ADGRD1: variants seen among roughly 807,000 people sequenced by gnomAD.
ADGRD1 encodes the protein adhesion G protein-coupled receptor D1, also known as G-protein coupled receptor 133.
A neutral mutation model predicts 113.4 loss-of-function variants in ADGRD1; 77 were observed. The observed-to-expected ratio is 0.68, with a 90% confidence interval of 0.57 to 0.82. ADGRD1 has a LOEUF of 0.82. Among genes scored for constraint, ADGRD1 ranks in the 40% least tolerant of loss-of-function variants. The probability of loss-of-function intolerance (pLI) is 0.00; values close to 1 mark genes in which losing one functional copy is unlikely to be tolerated. For synonymous variants in ADGRD1, 474 were observed against 475.0 expected, an observed-to-expected ratio of 1.00 and a Z score of 0.03; for missense variants, 1,036 against 1,139.1, an observed-to-expected ratio of 0.91 and a Z score of 1.30.
Position 131,003,356 on chromosome 12 carries a change from G to GAAACGCAGCCTC in ADGRD1, c.1144+54_1144+55insAAACGCAGCCTC. On this transcript the variant is annotated intron_variant, in intron 10 of 24. Coordinates refer to ENST00000261654, the MANE Select transcript of ADGRD1 (RefSeq NM_198827.5). The surrounding 1 kb of genome is among the most constrained non-coding windows in gnomAD (Gnocchi z 4.8). ...ATGGCAGGGGCGGGGGCTGGAGGCTGCGTTTCACTGCCTGTCTTTTTACAC... is the reference window on the plus strand; with the variant it reads ...ATGGCAGGGGCGGGGGCTGGAGGCTGAAACGCAGCCTCCGTTTCACTGCCTGTCTTTTTACAC... 2.6e-6 allele frequency: 3 copies of GAAACGCAGCCTC among 1,168,244 alleles called. No homozygotes were observed. The highest frequency in any genetic ancestry group is 3.8e-6 in the Non-Finnish European group (3 of 780,714). The allele number at this position is 1,168,244 out of a possible 1,614,324, so 72.4% of individuals were successfully genotyped here.
intron 15 of ADGRD1, among the ~76,000 whole-genome samples, chr12:131,094,095 G>C (rs1474988591): frequency 6.7e-6 from 1 of 149,924 alleles, no homozygotes; most frequent in African/African-American, 2.5e-5. Flanking sequence ...CCCAGTCTCA[G>C]CACCCAGCCC....
Position 130,982,059 on chromosome 12 carries a change from C to T in ADGRD1, c.486C>T (p.Pro162=). The stretch of plus-strand genomic sequence containing the variant: ...TGACATGGGAGGCCTCCTTCAGCCC[C>T]CCAGGTGAGTGACAGCATCGGTCCC... ...NSMTWEASFS[P]PGPYWTHVLF... is the part of the protein sequence containing the mutation. Residue 162 remains proline (P), a synonymous_variant, in exon 5 of 25, where the codon CCC becomes CCT. Transcript: ENST00000261654. 1 of 1,613,040 alleles carries T rather than the reference C, an allele frequency of 6.2e-7. No individual in the cohort carries two copies. Among genetic ancestry groups the T allele is most frequent in the Non-Finnish European group, 8.5e-7 (1 of 1,179,486 alleles).
chr12:130,957,488 GCA>G (rs992012653), intron 2 of ADGRD1: 1 of 151,666 alleles, frequency 6.6e-6, no homozygotes, highest in Non-Finnish European at 1.5e-5. Context: ...GCACACACAT[GCA>G]CACACACCCT....
intron 13 of ADGRD1, chr12:131,070,874 A>AC (rs773612259): frequency 1.9e-6 from 1 of 518,962 alleles, no homozygotes; most frequent in East Asian, 5.5e-5. Context: ...TCTGCACGGG[A>AC]CGTCCTGGAG....
At chr12:131,024,566 C>G (rs991717857) in intron 13 of ADGRD1, 3 of 152,206 alleles carry the variant, frequency 2.0e-5, no homozygotes, top group Admixed American at 6.5e-5. Flanking sequence ...CAGATCCTTC[C>G]CATTGTGTTA....
chr12:131,033,952 G>T (rs1041379563), intron 13 of ADGRD1, among the ~76,000 whole-genome samples: 1 of 152,068 alleles, frequency 6.6e-6, no homozygotes, highest in African/African-American at 2.4e-5. Flanking sequence ...GGGGATGCCG[G>T]CTCCACCTGC....
At chr12:131,012,460 AG>A (rs1407387854) in intron 12 of ADGRD1, among the ~76,000 whole-genome samples, 1 of 152,180 alleles carries the variant, frequency 6.6e-6, no homozygotes, top group Non-Finnish European at 1.5e-5. Flanking sequence ...GATGATCTGC[AG>A]GAAGTCGCTT....
chr12:131,070,473 G>A (rs1056140828), intron 13 of ADGRD1: 5 of 168,342 alleles, frequency 3.0e-5, no homozygotes, highest in Non-Finnish European at 6.5e-5. Flanking sequence ...AAAACGAGGC[G>A]CCGGCTTTGC....
chr12:131,090,768 C>T (rs11061321), intron 15 of ADGRD1, among the ~76,000 whole-genome samples: 28,607 of 152,212 alleles, frequency 0.19, 4,027 homozygotes, highest in East Asian at 0.66. Flanking sequence ...CCAGTGGTTC[C>T]GGAGTGCATG....
intron 5 of ADGRD1, among the ~76,000 whole-genome samples, chr12:130,983,399 G>A (rs1289442124): frequency 1.3e-5 from 2 of 152,220 alleles, no homozygotes; most frequent in Admixed American, 6.5e-5. Context: ...TCCCTCCCCT[G>A]ACACAGAACC....
chr12:131,015,395 CA>C (rs1878436727), intron 13 of ADGRD1, among the ~76,000 whole-genome samples: 1 of 144,330 alleles, frequency 6.9e-6, no homozygotes, highest in African/African-American at 2.6e-5. Flanking sequence ...TTGAGATGGA[CA>C]TGGGAATGGA....
chr12:131,118,369 C>T lies in ADGRD1; in HGVS notation c.2042-16C>T. The T allele has an allele frequency of 6.3e-7, 1 of 1,596,632 alleles. No homozygotes were observed. Among genetic ancestry groups the T allele is most frequent in the South Asian group, 1.1e-5 (1 of 87,986 alleles). ...AACTGGAGCAAGTGAACATGATATT[C>T]TCCAATCTTCTGCAGGTTTTCCTCT... On this transcript the variant is annotated splice_polypyrimidine_tract_variant and intron_variant, in intron 18 of 24. Transcript: ENST00000261654.
rs200207383 is a variant in ADGRD1, at chr12:131,104,968, C to T, written c.1775+34C>T. ...CCTTTTCTAATCCACCCAACAGTCT[C>T]TCGGCCCCTGCCTGCACCCAGATCT... On this transcript the variant is annotated intron_variant, in intron 16 of 24. Transcript: ENST00000261654. The T allele has an allele frequency of 3.6e-6, 5 of 1,405,198 alleles. No homozygotes were observed. In the East Asian group the frequency reaches 1.0e-4, roughly 29 times the overall value. The allele number at this position is 1,405,198 out of a possible 1,614,324, so 87.0% of individuals were successfully genotyped here.
intron 12 of ADGRD1, 115 bp downstream of exon 12, chr12:131,006,162 C>T: frequency 3.3e-6 from 3 of 920,930 alleles, no homozygotes; most frequent in Non-Finnish European, 3.5e-6. Flanking sequence ...GACACGAGTA[C>T]CGGGCGCTTC....
chr12:131,136,686 A>G (rs555877469), intron 22 of ADGRD1, among the ~76,000 whole-genome samples: 12 of 152,356 alleles, frequency 7.9e-5, no homozygotes, highest in Admixed American at 5.9e-4. Flanking sequence ...GTCTTCCGGA[A>G]GTGCCTGCCC....
Position 131,138,121 on chromosome 12 carries a change from C to T in ADGRD1, c.2437-16C>T, listed in dbSNP as rs745764527. ...GCCTCTGAAATTGCTCTCACGATCC[C>T]TTCCCCGCTTTCAAGGTGAGAGCCG... On this transcript the variant is annotated splice_polypyrimidine_tract_variant and intron_variant, in intron 23 of 24. Transcript: ENST00000261654. 12 of 1,611,320 alleles carry T rather than the reference C, an allele frequency of 7.4e-6. No homozygotes were observed. The South Asian group carries it at 1.3e-4, about 18-fold the overall frequency.
In ADGRD1 at chr12:131,139,219, A is replaced by C; in HGVS notation, c.2581A>C (p.Lys861Gln). 1 of 1,612,552 alleles carries C rather than the reference A, an allele frequency of 6.2e-7. No individual in the cohort carries two copies. The highest frequency in any genetic ancestry group is 1.7e-4 in the Middle Eastern group (1 of 6,058). The change falls in exon 25 of 25, where the codon AAG becomes CAG. Residue 861 changes from lysine to glutamine, a missense_variant. Physicochemically the swap from Lys to Gln is moderately conservative, Grantham distance 53. Coordinates refer to ENST00000261654, the MANE Select transcript of ADGRD1 (RefSeq NM_198827.5). ...MASTKLSPWD[K>Q]SSHSAHRVDL... ...CTCCACCAAGCTCAGCCCTTGGGAC[A>C]AGAGCAGCCACTCTGCCCACCGCGT...
intron 17 of ADGRD1, among the ~76,000 whole-genome samples, chr12:131,107,360 G>A (rs542547723): frequency 1.3e-5 from 2 of 151,906 alleles, no homozygotes; most frequent in Admixed American, 1.3e-4. Flanking sequence ...CCAGGGAAGG[G>A]CTCTGATGGG....
Position 131,136,990 on chromosome 12 carries a change from C to A in ADGRD1, c.2412C>A (p.Leu804=), listed in dbSNP as rs2136113792. The change falls in exon 23 of 25, where the codon CTC becomes CTA. Residue 804 remains leucine (L), a synonymous_variant. Transcript: ENST00000261654. ...CTTCCCAGGGACTGTTCATATTCCT[C>A]TTTCATTGTCTCCTGAATTCAGAGG... is the stretch of plus-strand genomic sequence containing the variant. ...LNSLQGLFIF[L]FHCLLNSEVR... is the part of the protein sequence containing the mutation. 1 of 1,612,568 alleles carries A rather than the reference C, an allele frequency of 6.2e-7. No individual in the cohort carries two copies. Among genetic ancestry groups the A allele is most frequent in the South Asian group, 1.1e-5 (1 of 91,056 alleles).
Sources: gnomAD v4.1 joint callset for allele counts (sites outside exome capture counted in the v4.1 genomes callset) on GRCh38, gnomAD v4.1.1 for gene constraint, Gnocchi (gnomAD v3.1) non-coding constraint, MANE v1.5 for transcripts, NCBI Gene and HGNC (gene_info 2026-07-23, HGNC 2026-07-21) for gene names.